Variants in SLC6A18 observed in about 807,000 individuals in gnomAD.
SLC6A18 encodes inactive sodium-dependent neutral amino acid transporter B(0)AT3.
Under a neutral mutation model 62.9 loss-of-function variants are expected in SLC6A18, and 58 were observed. The observed-to-expected ratio is 0.92, with a 90% CI of 0.75 to 1.15. The LOEUF is 1.15. SLC6A18 is among the 50% of genes most tolerant of loss of function. The probability of loss-of-function intolerance (pLI) is 0.00; values close to 1 mark genes in which losing one functional copy is unlikely to be tolerated. For synonymous variants in SLC6A18, 382 were observed against 365.8 expected, an observed-to-expected ratio of 1.04 and a Z score of -0.51; for missense variants, 793 against 836.6, an observed-to-expected ratio of 0.95 and a Z score of 0.64.
Position 1,239,497 on chromosome 5 carries a change from G to C in SLC6A18, c.780G>C (p.Gln260His), listed in dbSNP as rs1166472705. ...GGGTGTGGCTGGACGCAGCCACCCAGATATTCTTCTCTCTGTCCCTGGCCT... is the reference window on the plus strand; with the variant it reads ...GGGTGTGGCTGGACGCAGCCACCCACATATTCTTCTCTCTGTCCCTGGCCT... The part of the protein sequence containing the change: ...NPRVWLDAAT[Q>H]IFFSLSLAFG... The change falls in exon 6 of 12, where the codon CAG (glutamine) becomes CAC (histidine). Residue 260 changes from glutamine (Q) to histidine (H), a missense_variant. Gln to His is a conservative substitution (Grantham distance 24). Coordinates refer to ENST00000324642, the MANE Select transcript of SLC6A18 (RefSeq NM_182632.3). 1.2e-6 allele frequency: 2 copies of C among 1,614,086 alleles called. No individual in the cohort carries two copies. Among genetic ancestry groups the C allele is most frequent in the East Asian group, 4.5e-5 (2 of 44,898 alleles).
At chr5:1,244,826 C>A in intron 11 of SLC6A18, 59 bp downstream of exon 11, 1 of 1,527,792 alleles carries the variant, frequency 6.5e-7, no homozygotes, top group Non-Finnish European at 8.8e-7. Flanking sequence ...TGGTCTGGCC[C>A]CTACGGTGCC....
Position 1,244,297 on chromosome 5 carries a change from T to C in SLC6A18, c.1420T>C (p.Phe474Leu). 6.2e-7 allele frequency: 1 copy of C among 1,613,976 alleles called. No homozygotes were observed. Among genetic ancestry groups the C allele is most frequent in the East Asian group, 2.2e-5 (1 of 44,854 alleles). The change falls in exon 10 of 12, where the codon TTT becomes CTT. Residue 474 changes from phenylalanine to leucine, a missense_variant. Coordinates refer to ENST00000324642, the MANE Select transcript of SLC6A18 (RefSeq NM_182632.3). ...GNYWLEIFDN[F>L]AASPNLLMLA... is the part of the protein sequence containing the mutation. ...CTACTGGCTGGAGATTTTCGACAAT[T>C]TTGCCGCTTCCCCGAACCTGCTCAT...
chr5:1,226,855 G>A (rs890563530), intron 1 of SLC6A18, among the ~76,000 whole-genome samples: 3 of 152,220 alleles, frequency 2.0e-5, no homozygotes, highest in Non-Finnish European at 4.4e-5. Context: ...GGGGGCAGCA[G>A]GCTTCACGCA....
Position 1,243,007 on chromosome 5 carries a change from C to A in SLC6A18, c.1131+144C>A. On this transcript the variant is annotated intron_variant, in intron 8 of 11. Transcript: ENST00000324642. This position sits in a 1 kb window ranked among gnomAD's most constrained non-coding sequence, Gnocchi z 6.5. ...CTGTGAACCAAGAACCCCAGTCTAT[C>A]TTTGTCTCAGGTTGCCAGGCCTCCT... The A allele has an allele frequency of 9.6e-7, 1 of 1,040,924 alleles. No individual in the cohort carries two copies. The highest frequency in any genetic ancestry group is 1.9e-5 in the South Asian group (1 of 52,370). 64.5% of individuals were successfully genotyped at this position (1,040,924 alleles called of 1,614,324 possible). A position where few individuals can be genotyped will look rare whatever the true frequency, so the allele number is the denominator to read the frequency against.
In SLC6A18 at chr5:1,243,792, C is replaced by A. The variant is rs761033923; in HGVS notation, c.1336+33C>A. ...CACAGCTCCGCCGCCCTGGAGGACC[C>A]GTCCCCAGCATCTGACTGTCCACTC... is the stretch of plus-strand genomic sequence containing the variant. On this transcript the variant is annotated intron_variant, in intron 9 of 11. Coordinates refer to ENST00000324642, the MANE Select transcript of SLC6A18 (RefSeq NM_182632.3). This position sits in a 1 kb window ranked among gnomAD's most constrained non-coding sequence, Gnocchi z 6.5. The A allele has an allele frequency of 6.4e-7, 1 of 1,550,426 alleles. No individual in the cohort carries two copies. The highest frequency in any genetic ancestry group is 1.2e-5 in the South Asian group (1 of 83,074).
chr5:1,245,818 G>T (rs760800286), intron 11 of SLC6A18, 30 bp from the exon 12 acceptor site: 1 of 1,582,244 alleles, frequency 6.3e-7, no homozygotes, highest in South Asian at 1.1e-5. Context: ...AGGGTGGCCG[G>T]CGCCAGCTAA....
At chr5:1,238,339 T>A (rs58141484) in intron 5 of SLC6A18, among the ~76,000 whole-genome samples, 2,921 of 84,318 alleles carry the variant, frequency 0.035, 92 homozygotes, top group Middle Eastern at 0.061. Flanking sequence ...GGAGTGAGCC[T>A]GGGGCCTCAG....
rs1747122609 is a variant in SLC6A18, at chr5:1,243,538, G to A, written c.1132-17G>A. On this transcript the variant is annotated splice_polypyrimidine_tract_variant and intron_variant, in intron 8 of 11. Coordinates refer to ENST00000324642, the MANE Select transcript of SLC6A18 (RefSeq NM_182632.3). The surrounding 1 kb of genome is among the most constrained non-coding windows in gnomAD (Gnocchi z 6.5). ...TGTGTGTGCGTGGCCTGAAGCCCGG[G>A]GCTCCGTGTATTGCAGAGTGCCTCG... 1 of 1,611,656 alleles carries A rather than the reference G, an allele frequency of 6.2e-7. No homozygotes were observed. The highest frequency in any genetic ancestry group is 1.1e-5 in the South Asian group (1 of 91,040).
At chr5:1,239,774 G>C (rs77081606) in intron 6 of SLC6A18, among the ~76,000 whole-genome samples, 2,610 of 152,298 alleles carry the variant, frequency 0.017, 32 homozygotes, top group South Asian at 0.029. Context: ...CCAGGAACCA[G>C]GGTGTAACTG....
intron 4 of SLC6A18, 24 bp from the exon 5 acceptor site, chr5:1,237,926 C>T: frequency 6.3e-7 from 1 of 1,592,194 alleles, no homozygotes; most frequent in Middle Eastern, 1.7e-4. Context: ...TTTCAAGTCT[C>T]ATGACTCCAC....
At chr5:1,227,971 C>T (rs998094273) in intron 1 of SLC6A18, among the ~76,000 whole-genome samples, 5 of 152,202 alleles carry the variant, frequency 3.3e-5, no homozygotes, top group African/African-American at 1.2e-4. Context: ...AAGCGCGCCC[C>T]CTCCCCGCTA....
At chr5:1,232,675 T>C in intron 2 of SLC6A18, 76 bp from the exon 3 acceptor site, 1 of 1,526,478 alleles carries the variant, frequency 6.6e-7, no homozygotes, top group Admixed American at 2.1e-5. Flanking sequence ...TGTTATTTTG[T>C]TTTATTCTCA....
At position 1,243,516 on chromosome 5, in the gene SLC6A18, G is replaced by C; in HGVS notation, c.1132-39G>C. On this transcript the variant is annotated intron_variant, in intron 8 of 11. Coordinates refer to ENST00000324642, the MANE Select transcript of SLC6A18 (RefSeq NM_182632.3). This position sits in a 1 kb window ranked among gnomAD's most constrained non-coding sequence, Gnocchi z 6.5. ...GGCGTGTGTGTGTGGTGGAGTGTGT[G>C]TGTGCGTGGCCTGAAGCCCGGGGCT... The C allele has an allele frequency of 6.2e-7, 1 of 1,602,156 alleles. No homozygotes were observed. Among genetic ancestry groups the C allele is most frequent in the African/African-American group, 1.3e-5 (1 of 74,908 alleles).
Position 1,244,768 on chromosome 5 carries a change from G to A in SLC6A18, c.1656+1G>A, listed in dbSNP as rs778072933. On this transcript the variant is annotated splice_donor_variant, in intron 11 of 11. Coordinates refer to ENST00000324642, the MANE Select transcript of SLC6A18 (RefSeq NM_182632.3). LOFTEE classifies it high-confidence loss of function. ...ATACAAGGCCTGGAACCCCAAATAC[G>A]TAGGTCCTTCCGGTGGGAACCTGGG... 17 of 1,597,870 alleles carry A rather than the reference G, an allele frequency of 1.1e-5. No homozygotes were observed. Among genetic ancestry groups the A allele is most frequent in the East Asian group, 9.0e-5 (4 of 44,420 alleles).
In SLC6A18 at chr5:1,243,961, C is replaced by T. The variant is rs957313971; in HGVS notation, c.1336+202C>T. On this transcript the variant is annotated intron_variant, in intron 9 of 11. Transcript: ENST00000324642. The surrounding 1 kb of genome is among the most constrained non-coding windows in gnomAD (Gnocchi z 6.5). The stretch of plus-strand genomic sequence containing the variant: ...GAGGGAGGGTCAGGGCTGCCCCTCC[C>T]CCACGGCCCCGGAGGCCACATCCCC... Among the ~76,000 whole-genome samples the T allele has an allele frequency of 2.6e-5, 4 of 152,162 alleles. No individual in the cohort carries two copies. Among genetic ancestry groups the T allele is most frequent in the Non-Finnish European group, 4.4e-5 (3 of 68,002 alleles).
chr5:1,244,187 C>G, intron 9 of SLC6A18, 27 bp from the exon 10 acceptor site: 2 of 1,542,128 alleles, frequency 1.3e-6, no homozygotes, highest in South Asian at 2.3e-5. Context: ...TCCCCTTACC[C>G]CCCACACCCC....
In SLC6A18 at chr5:1,235,561, A is replaced by C; in HGVS notation, c.520A>C (p.Asn174His). The C allele has an allele frequency of 6.2e-7, 1 of 1,614,084 alleles. No individual in the cohort carries two copies. The highest frequency in any genetic ancestry group is 8.5e-7 in the Non-Finnish European group (1 of 1,180,024). ...GACACTGAACATCACAGCCGACATC[A>C]ATGACAGTGGCTCCATCCAGTGGTG... ...RQTLNITADI[N>H]DSGSIQWWLL... The change falls in exon 4 of 12, where the codon AAT (asparagine) becomes CAT (histidine). Residue 174 changes from asparagine (N) to histidine (H), a missense_variant. Physicochemically the swap from Asn to His is moderately conservative, Grantham distance 68. Coordinates refer to ENST00000324642, the MANE Select transcript of SLC6A18 (RefSeq NM_182632.3).
At chr5:1,229,156 C>T (rs1185454141) in intron 1 of SLC6A18, among the ~76,000 whole-genome samples, 1 of 152,114 alleles carries the variant, frequency 6.6e-6, no homozygotes, top group African/African-American at 2.4e-5. Context: ...TTAATGCAGC[C>T]GCTGTACCAC....
Position 1,243,642 on chromosome 5 carries a change from T to C in SLC6A18, c.1219T>C (p.Phe407Leu). Reference sequence around the variant, plus strand: ...GGCTCCTGTGTGGGCCATGCTCTTCTTCGGGATGCTGTTCACCTTGGGGCT... The same window carrying C: ...GGCTCCTGTGTGGGCCATGCTCTTCCTCGGGATGCTGTTCACCTTGGGGCT... ...PGAPVWAMLFFGMLFTLGLST... is the reference protein window; with the variant it reads ...PGAPVWAMLFLGMLFTLGLST... The change falls in exon 9 of 12, where the codon TTC (phenylalanine) becomes CTC (leucine). Residue 407 changes from phenylalanine to leucine, a missense_variant. Phe to Leu is a conservative substitution (Grantham distance 22). Transcript: ENST00000324642. This position sits in a 1 kb window ranked among gnomAD's most constrained non-coding sequence, Gnocchi z 6.5. 6.2e-7 allele frequency: 1 copy of C among 1,614,118 alleles called. No individual in the cohort carries two copies. Among genetic ancestry groups the C allele is most frequent in the Admixed American group, 1.7e-5 (1 of 60,032 alleles).
Sources: gnomAD v4.1 joint callset for allele counts (sites outside exome capture counted in the v4.1 genomes callset) on GRCh38, gnomAD v4.1.1 for gene constraint, Gnocchi (gnomAD v3.1) non-coding constraint, MANE v1.5 for transcripts, NCBI Gene and HGNC (gene_info 2026-07-23, HGNC 2026-07-21) for gene names.